Variants in GLIS3 observed in about 807,000 individuals in gnomAD.
The protein encoded by GLIS3 is GLIS family zinc finger 3, also known as zinc finger protein GLIS3.
GLIS3 carries 53 observed loss-of-function variants against 78.6 expected under a neutral mutation model. The observed-to-expected ratio is 0.67, with a 90% CI of 0.54 to 0.85. The LOEUF is 0.85. Ranked by LOEUF, GLIS3 falls within the 40% of genes least tolerant of loss-of-function variation. The pLI, the probability that GLIS3 is intolerant of heterozygous loss-of-function variation, is 0.00. For missense variants in GLIS3, 1,703 were observed against 1,231.1 expected (o/e 1.38, Z -5.74); for synonymous variants, 684 against 509.9 (o/e 1.34, Z -4.60).
rs1819642103 is a variant in GLIS3, at chr9:4,204,147, T to A, written c.389-78206A>T. Among the ~76,000 whole-genome samples, 3 of 152,298 alleles carry A rather than the reference T, an allele frequency of 2.0e-5. No homozygotes were observed. In the South Asian group the frequency reaches 6.2e-4, roughly 32 times the overall value. On this transcript the variant is annotated intron_variant, in intron 2 of 10. Transcript: ENST00000381971. ...ACTAAAATGTCAGATAGCCAATGAA[T>A]TTAAGCTGATGAAAGAATGATCTAC...
At chr9:4,104,783 A>G (rs1179101467) in intron 4 of GLIS3, among the ~76,000 whole-genome samples, 1 of 152,150 alleles carries the variant, frequency 6.6e-6, no homozygotes, top group Non-Finnish European at 1.5e-5. Context: ...TCCCCCAGGT[A>G]TCTGCATTAT....
At chr9:4,156,192 T>C (rs146468155) in intron 2 of GLIS3, among the ~76,000 whole-genome samples, 31 of 152,276 alleles carry the variant, frequency 2.0e-4, no homozygotes, top group African/African-American at 7.2e-4. Context: ...TTCCATTCTC[T>C]CACATGACAA....
chr9:4,341,519 A>G (rs1168542112), intron 2 of GLIS3, among the ~76,000 whole-genome samples: 9 of 152,116 alleles, frequency 5.9e-5, no homozygotes, highest in Non-Finnish European at 1.3e-4. Flanking sequence ...TTTTTCTCCC[A>G]CTCTCCTCCA....
rs140981222 is a variant in GLIS3, at chr9:3,856,011, T to G, written c.2471A>C (p.His824Pro). The change falls in exon 9 of 11, where the codon CAT (histidine) becomes CCT (proline). Residue 824 changes from histidine to proline, a missense_variant and splice_region_variant. By Grantham distance (77) the His-to-Pro change is moderately conservative. Transcript: ENST00000381971. ...SSFQPNGIHVHGFYGQLQKFC... is the reference protein window; with the variant it reads ...SSFQPNGIHVPGFYGQLQKFC... The stretch of plus-strand genomic sequence containing the variant: ...GGGACTGCCAGCTTCTTGCTTACCA[T>G]GGACATGGATACCATTTGGTTGAAA... 43 of 1,614,036 alleles carry G rather than the reference T, an allele frequency of 2.7e-5. No individual in the cohort carries two copies. The African/African-American group carries it at 3.7e-4, about 14-fold the overall frequency.
chr9:3,857,526 G>A (rs1363607033), intron 8 of GLIS3, among the ~76,000 whole-genome samples: 1 of 152,210 alleles, frequency 6.6e-6, no homozygotes, highest in African/African-American at 2.4e-5. Context: ...CATGTGAGGT[G>A]TGATGAGACT....
intron 3 of GLIS3, chr9:4,123,736 T>C (rs1046595641): frequency 7.5e-6 from 3 of 397,728 alleles, no homozygotes; most frequent in East Asian, 7.1e-5. Flanking sequence ...TATGTTTGAC[T>C]ATAACTGGAA....
At chr9:3,982,909 G>A (rs1819420524) in intron 4 of GLIS3, among the ~76,000 whole-genome samples, 1 of 152,174 alleles carries the variant, frequency 6.6e-6, no homozygotes, top group Non-Finnish European at 1.5e-5. Context: ...CACAAATGAA[G>A]CCATAATTCC....
At chr9:4,238,480 A>C (rs1822988783) in intron 2 of GLIS3, among the ~76,000 whole-genome samples, 1 of 152,186 alleles carries the variant, frequency 6.6e-6, no homozygotes, top group African/African-American at 2.4e-5. Context: ...AGCAGTTTAC[A>C]ATAATTTTTA....
At chr9:3,969,346 A>T (rs942229016) in intron 4 of GLIS3, among the ~76,000 whole-genome samples, 1 of 152,172 alleles carries the variant, frequency 6.6e-6, no homozygotes, top group Non-Finnish European at 1.5e-5. Context: ...AAGCGAGCAA[A>T]CCTTGTGCTA....
chr9:3,902,301 T>TC (rs2130627974), intron 6 of GLIS3, among the ~76,000 whole-genome samples: 1 of 152,294 alleles, frequency 6.6e-6, no homozygotes, highest in East Asian at 1.9e-4. Context: ...AAGTGTAGTG[T>TC]CCCTCACAGA....
chr9:3,944,633 G>A (rs191117474), intron 4 of GLIS3, among the ~76,000 whole-genome samples: 2 of 152,264 alleles, frequency 1.3e-5, no homozygotes, highest in East Asian at 1.9e-4. Context: ...ATATCCATAA[G>A]AGCATGTATA....
At chr9:4,076,071 G>A (rs1828027629) in intron 4 of GLIS3, among the ~76,000 whole-genome samples, 1 of 151,916 alleles carries the variant, frequency 6.6e-6, no homozygotes, top group South Asian at 2.1e-4. Flanking sequence ...GGTACACATT[G>A]GTCAAATTTC....
chr9:4,084,256 A>AACACACACAC lies in GLIS3; in HGVS notation c.1710+33502_1710+33511dup, dbSNP rs370384726. Reference sequence around the variant, plus strand: ...CTCTCTCTCCTTCCTTCCTCTCTCTAACACACACACACACACACACACACA... The same window carrying AACACACACAC: ...CTCTCTCTCCTTCCTTCCTCTCTCTAACACACACACACACACACACACACACACACACACA... On this transcript the variant is annotated intron_variant, in intron 4 of 10. Coordinates refer to ENST00000381971, the MANE Select transcript of GLIS3 (RefSeq NM_001042413.2). Among the ~76,000 whole-genome samples the AACACACACAC allele has an allele frequency of 3.2e-3, 428 of 132,180 alleles. 6 individuals carry two copies. Among genetic ancestry groups the AACACACACAC allele is most frequent in the African/African-American group, 8.4e-3 (302 of 36,026 alleles). The allele number at this position is 132,180 out of a possible 152,430, so 86.7% of individuals were successfully genotyped here.
intron 2 of GLIS3, among the ~76,000 whole-genome samples, chr9:4,198,558 G>C (rs973647745): frequency 6.6e-6 from 1 of 152,166 alleles, no homozygotes; most frequent in East Asian, 1.9e-4. Flanking sequence ...ATGGGATTAT[G>C]TAAATAAACT....
At chr9:4,076,499 A>G (rs1828066747) in intron 4 of GLIS3, among the ~76,000 whole-genome samples, 2 of 152,202 alleles carry the variant, frequency 1.3e-5, no homozygotes, top group South Asian at 2.1e-4. Context: ...AAAATGTACT[A>G]TAATTAGTAT....
At chr9:4,049,092 G>A (rs566747552) in intron 4 of GLIS3, among the ~76,000 whole-genome samples, 2 of 152,236 alleles carry the variant, frequency 1.3e-5, no homozygotes, top group East Asian at 3.9e-4. Flanking sequence ...AATGATGTCT[G>A]AGCAAACTAT....
intron 9 of GLIS3, among the ~76,000 whole-genome samples, chr9:3,833,287 C>G (rs1173249647): frequency 6.6e-6 from 1 of 152,140 alleles, no homozygotes; most frequent in Non-Finnish European, 1.5e-5. Flanking sequence ...CTAGAGATGC[C>G]AAATACACTG....
intron 2 of GLIS3, among the ~76,000 whole-genome samples, chr9:4,190,235 A>C (rs537874663): frequency 9.9e-5 from 15 of 152,230 alleles, no homozygotes; most frequent in Admixed American, 2.6e-4. Flanking sequence ...AACTACTCCG[A>C]GCTACAGGAG....
chr9:4,432,797 C>T, the GLIS3 span, among the ~76,000 whole-genome samples: 5 of 151,864 alleles, frequency 3.3e-5, no homozygotes, highest in South Asian at 2.1e-4. Context: ...CCCGCCACCA[C>T]GCCCGGCTAA....
Sources: gnomAD v4.1 joint callset for allele counts (sites outside exome capture counted in the v4.1 genomes callset) on GRCh38, gnomAD v4.1.1 for gene constraint, MANE v1.5 for transcripts, NCBI Gene and HGNC (gene_info 2026-07-23, HGNC 2026-07-21) for gene names.